The following COPS3 variants were observed in gnomAD, a reference collection of about 807,000 sequenced individuals.
COPS3 encodes COP9 signalosome subunit 3.
A neutral mutation model predicts 58.2 loss-of-function variants in COPS3; 10 were observed. The observed-to-expected ratio is 0.17, with a 90% CI of 0.11 to 0.29. COPS3 has a LOEUF of 0.29. Among genes scored for constraint, COPS3 ranks in the 10% least tolerant of loss-of-function variants. The pLI is 1.00. For synonymous variants in COPS3, 187 were observed against 181.7 expected (o/e 1.03, Z -0.24); for missense variants, 333 against 510.1 (o/e 0.65, Z 3.34).
At chr17:17,247,629 A>C in intron 10 of COPS3, 69 bp from the exon 11 acceptor site, 1 of 1,469,804 alleles carries the variant, frequency 6.8e-7, no homozygotes, top group Non-Finnish European at 9.5e-7. Context: ...TCTAACTTAC[A>C]CTGTTCACAA....
chr17:17,260,567 G>T, intron 7 of COPS3, 93 bp from the exon 8 acceptor site: 1 of 1,245,058 alleles, frequency 8.0e-7, no homozygotes, highest in Non-Finnish European at 1.1e-6. Flanking sequence ...ACTTTGGGAG[G>T]CCGAGGCGGA....
At chr17:17,281,037 TA>T in intron 1 of COPS3, 94 bp downstream of exon 1, 1 of 1,393,474 alleles carries the variant, frequency 7.2e-7, no homozygotes. Context: ...GTCTCAGGAC[TA>T]AAAGGGCTGT....
intron 6 of COPS3, among the ~76,000 whole-genome samples, chr17:17,262,936 C>T (rs1384842408): frequency 6.6e-6 from 1 of 151,040 alleles, no homozygotes. Context: ...GTCTCTGTTA[C>T]CCAGGCTGGA....
chr17:17,265,360 G>A (rs1421463742), intron 5 of COPS3, among the ~76,000 whole-genome samples: 1 of 150,786 alleles, frequency 6.6e-6, no homozygotes, highest in Non-Finnish European at 1.5e-5. Flanking sequence ...TAGTCAACCT[G>A]TACTCCATTT....
intron 9 of COPS3, among the ~76,000 whole-genome samples, chr17:17,253,604 A>T (rs1009281926): frequency 2.6e-5 from 4 of 152,108 alleles, no homozygotes; most frequent in Non-Finnish European, 5.9e-5. Flanking sequence ...TATGGACCAA[A>T]ACCCTCAGTG....
At chr17:17,277,906 G>A (rs150756496) in intron 1 of COPS3, among the ~76,000 whole-genome samples, 12 of 152,106 alleles carry the variant, frequency 7.9e-5, no homozygotes, top group Non-Finnish European at 1.6e-4. Flanking sequence ...GGATAAGGTG[G>A]GCAGATATCT....
chr17:17,274,980 C>A (rs556796239), intron 2 of COPS3, among the ~76,000 whole-genome samples: 1 of 152,210 alleles, frequency 6.6e-6, no homozygotes, highest in East Asian at 1.9e-4. Flanking sequence ...CTCAGATAGA[C>A]CACACAGCTG....
At chr17:17,278,064 A>G (rs1189390862) in intron 1 of COPS3, among the ~76,000 whole-genome samples, 1 of 152,072 alleles carries the variant, frequency 6.6e-6, no homozygotes, top group Non-Finnish European at 1.5e-5. Context: ...ACCTGGGACA[A>G]TCCTTGAACC....
intron 9 of COPS3, among the ~76,000 whole-genome samples, chr17:17,251,808 G>A (rs1327419126): frequency 2.0e-5 from 3 of 151,944 alleles, no homozygotes; most frequent in African/African-American, 2.4e-5. Context: ...ATGGGAGGCC[G>A]GGCACGGTGG....
intron 8 of COPS3, among the ~76,000 whole-genome samples, chr17:17,259,309 T>G (rs940456768): frequency 6.6e-6 from 1 of 152,134 alleles, no homozygotes; most frequent in Non-Finnish European, 1.5e-5. Context: ...CAATCCTCTA[T>G]TTGTTGAGCT....
intron 7 of COPS3, 160 bp from the exon 8 acceptor site, chr17:17,260,634 T>C: frequency 1.7e-6 from 1 of 572,786 alleles, no homozygotes; most frequent in Non-Finnish European, 3.1e-6. Context: ...AGAAACCCCG[T>C]CTCTACTAAA....
chr17:17,255,237 T>C (rs1000385602), intron 8 of COPS3, among the ~76,000 whole-genome samples: 3 of 150,676 alleles, frequency 2.0e-5, no homozygotes, highest in African/African-American at 7.4e-5. Flanking sequence ...GAGGCGGAGG[T>C]TGCAGTGAGT....
chr17:17,267,078 C>T (rs2145231048), intron 5 of COPS3, among the ~76,000 whole-genome samples: 1 of 151,688 alleles, frequency 6.6e-6, no homozygotes, highest in South Asian at 2.1e-4. Context: ...TGGCTCACGC[C>T]TGTAATCCCA....
At chr17:17,275,270 T>A (rs912597997) in intron 2 of COPS3, among the ~76,000 whole-genome samples, 8 of 152,002 alleles carry the variant, frequency 5.3e-5, no homozygotes, top group Admixed American at 2.0e-4. Flanking sequence ...TTTTTATTAG[T>A]AGAGACAGGG....
chr17:17,249,817 G>A (rs556009232), intron 9 of COPS3, among the ~76,000 whole-genome samples: 5 of 151,936 alleles, frequency 3.3e-5, no homozygotes, highest in Admixed American at 2.6e-4. Context: ...TAATAAACAC[G>A]GGGTTTCACC....
intron 5 of COPS3, 139 bp from the exon 6 acceptor site, chr17:17,265,120 G>A (rs1430954361): frequency 1.9e-5 from 14 of 752,756 alleles, no homozygotes; most frequent in Non-Finnish European, 3.0e-5. Context: ...TTATCTAAAT[G>A]TCAACACATT....
chr17:17,273,502 T>C (rs897376251), intron 2 of COPS3, among the ~76,000 whole-genome samples: 25 of 152,220 alleles, frequency 1.6e-4, no homozygotes, highest in African/African-American at 5.8e-4. Context: ...CCTAGCACTT[T>C]GGGAGGCTCT....
chr17:17,271,460 G>A (rs953860808), intron 2 of COPS3, among the ~76,000 whole-genome samples: 1 of 151,648 alleles, frequency 6.6e-6, no homozygotes, highest in East Asian at 2.0e-4. Flanking sequence ...TAGAATCCAT[G>A]AGATTTTCCT....
intron 8 of COPS3, among the ~76,000 whole-genome samples, chr17:17,259,491 A>G (rs775453667): frequency 1.3e-4 from 20 of 152,220 alleles, no homozygotes; most frequent in Non-Finnish European, 2.6e-4. Flanking sequence ...CTTACATCCT[A>G]GAAGAAAATA....
Sources: gnomAD v4.1 joint callset for allele counts (sites outside exome capture counted in the v4.1 genomes callset) on GRCh38, gnomAD v4.1.1 for gene constraint, MANE v1.5 for transcripts, NCBI Gene and HGNC (gene_info 2026-07-23, HGNC 2026-07-21) for gene names.